The following CCDC85A variants were observed in gnomAD, a reference collection of about 807,000 sequenced individuals.
CCDC85A encodes the protein coiled-coil domain-containing protein 85A.
In CCDC85A, 38 loss-of-function variants were observed where a neutral mutation model predicts 50.2. That is an observed-to-expected ratio of 0.76 (90% confidence interval 0.58 to 0.99). The LOEUF is 0.99. Ranked by LOEUF, CCDC85A falls within the 50% of genes least tolerant of loss-of-function variation. The pLI is 0.00. For missense variants in CCDC85A, 820 were observed against 742.0 expected (o/e 1.11, Z -1.22); for synonymous variants, 366 against 301.4 (o/e 1.21, Z -2.22).
At chr2:56,276,295 TA>T (rs1670939659) in intron 2 of CCDC85A, among the ~76,000 whole-genome samples, 1 of 152,194 alleles carries the variant, frequency 6.6e-6, no homozygotes, top group Non-Finnish European at 1.5e-5. Context: ...ACTGGCTTTT[TA>T]TTTTGCTTAC....
rs544896958 is a variant in CCDC85A, at chr2:56,382,988, C to T, written c.1573-1278C>T. 9.9e-5 allele frequency among the ~76,000 whole-genome samples: 15 copies of T among 152,030 alleles called. No individual in the cohort carries two copies. In the South Asian group the frequency reaches 2.9e-3, roughly 29 times the overall value. On this transcript the variant is annotated intron_variant, in intron 5 of 5. Coordinates refer to ENST00000407595, the MANE Select transcript of CCDC85A (RefSeq NM_001080433.2). Reference sequence around the variant, plus strand: ...TCAATTTATTAAGAAATGAGACTTTCCTAAGTCTCTTGTGTATAGCTTGAG... The same window carrying T: ...TCAATTTATTAAGAAATGAGACTTTTCTAAGTCTCTTGTGTATAGCTTGAG...
chr2:56,349,113 T>C (rs540767619), intron 3 of CCDC85A, among the ~76,000 whole-genome samples: 58 of 152,304 alleles, frequency 3.8e-4, no homozygotes, highest in Non-Finnish European at 7.9e-4. Context: ...TTTTTTCTCA[T>C]GAAGAGCGAC....
chr2:56,304,452 G>A (rs921162045), intron 2 of CCDC85A, among the ~76,000 whole-genome samples: 8 of 152,180 alleles, frequency 5.3e-5, no homozygotes, highest in African/African-American at 1.9e-4. Context: ...GTATTTATGT[G>A]AGAGTTCACC....
intron 2 of CCDC85A, among the ~76,000 whole-genome samples, chr2:56,196,404 T>C (rs1266851242): frequency 6.6e-6 from 1 of 152,242 alleles, no homozygotes; most frequent in Non-Finnish European, 1.5e-5. Context: ...TTCATATTTG[T>C]AAATTAAGTA....
chr2:56,353,649 G>T (rs371899100), intron 3 of CCDC85A, among the ~76,000 whole-genome samples: 48 of 152,322 alleles, frequency 3.2e-4, no homozygotes, highest in African/African-American at 1.1e-3. Flanking sequence ...AGTGCTGATG[G>T]AATGCTGGTA....
intron 2 of CCDC85A, among the ~76,000 whole-genome samples, chr2:56,327,652 T>G (rs1195739244): frequency 6.6e-6 from 1 of 152,052 alleles, no homozygotes; most frequent in Non-Finnish European, 1.5e-5. Context: ...ATATTCAGCA[T>G]GGTATAGTTC....
chr2:56,211,479 C>T (rs1373010238), intron 2 of CCDC85A, among the ~76,000 whole-genome samples: 1 of 151,968 alleles, frequency 6.6e-6, no homozygotes, highest in Non-Finnish European at 1.5e-5. Context: ...TGGGTGTTAT[C>T]ACTATCATTG....
intron 2 of CCDC85A, among the ~76,000 whole-genome samples, chr2:56,271,564 C>A (rs898980403): frequency 1.3e-5 from 2 of 152,132 alleles, no homozygotes; most frequent in African/African-American, 4.8e-5. Context: ...GGGGTTGCCT[C>A]ATAAACTGAC....
intron 3 of CCDC85A, among the ~76,000 whole-genome samples, chr2:56,368,551 A>G (rs1002303983): frequency 6.6e-6 from 1 of 152,172 alleles, no homozygotes. Context: ...GGTATTAAAT[A>G]TTATATGATA....
At chr2:56,302,583 T>C (rs1442063639) in intron 2 of CCDC85A, among the ~76,000 whole-genome samples, 1 of 152,196 alleles carries the variant, frequency 6.6e-6, no homozygotes, top group Non-Finnish European at 1.5e-5. Flanking sequence ...GGGAAAAATG[T>C]ATTTGGTTTT....
At chr2:56,380,592 A>G (rs889812826) in intron 5 of CCDC85A, among the ~76,000 whole-genome samples, 4 of 151,832 alleles carry the variant, frequency 2.6e-5, no homozygotes, top group Admixed American at 6.6e-5. Context: ...GGATAGACAA[A>G]TAGAAATCTA....
intron 2 of CCDC85A, among the ~76,000 whole-genome samples, chr2:56,228,514 C>T (rs1167008122): frequency 6.6e-6 from 1 of 151,080 alleles, no homozygotes; most frequent in East Asian, 1.9e-4. Context: ...CCTCCTCTTT[C>T]TCCCCTTTAT....
intron 2 of CCDC85A, among the ~76,000 whole-genome samples, chr2:56,268,688 CA>C (rs1208114844): frequency 1.3e-5 from 2 of 151,324 alleles, no homozygotes; most frequent in Admixed American, 1.3e-4. Flanking sequence ...TACAGATTTT[CA>C]AAAACCTGAC....
intron 2 of CCDC85A, among the ~76,000 whole-genome samples, chr2:56,217,695 T>G (rs1001758507): frequency 1.3e-5 from 2 of 151,870 alleles, no homozygotes; most frequent in African/African-American, 4.8e-5. Flanking sequence ...TTTTTCTATA[T>G]GCAATAAAAG....
intron 3 of CCDC85A, among the ~76,000 whole-genome samples, chr2:56,360,113 A>G (rs980508690): frequency 1.3e-5 from 2 of 152,252 alleles, no homozygotes; most frequent in African/African-American, 4.8e-5. Context: ...TGTATGCTAT[A>G]AATACATGTA....
intron 3 of CCDC85A, among the ~76,000 whole-genome samples, chr2:56,354,550 A>G (rs1176629055): frequency 6.6e-6 from 1 of 152,220 alleles, no homozygotes; most frequent in South Asian, 2.1e-4. Context: ...TCTGGTTGAC[A>G]TCATGAAAGA....
intron 3 of CCDC85A, among the ~76,000 whole-genome samples, chr2:56,368,441 A>G (rs1423553670): frequency 6.6e-6 from 1 of 152,182 alleles, no homozygotes; most frequent in Non-Finnish European, 1.5e-5. Flanking sequence ...TGAACAAAAT[A>G]TTATTTCCCT....
chr2:56,327,120 G>A (rs906756708), intron 2 of CCDC85A, among the ~76,000 whole-genome samples: 2 of 152,080 alleles, frequency 1.3e-5, no homozygotes, highest in African/African-American at 4.8e-5. Context: ...AAATGTTTGT[G>A]TAATGAAGAA....
At chr2:56,359,956 A>G (rs1237825363) in intron 3 of CCDC85A, among the ~76,000 whole-genome samples, 1 of 152,196 alleles carries the variant, frequency 6.6e-6, no homozygotes, top group African/African-American at 2.4e-5. Flanking sequence ...TCACATCTTC[A>G]GCATGTTTTC....
Sources: allele counts gnomAD v4.1 joint callset (sites outside exome capture counted in the v4.1 genomes callset), GRCh38; gene constraint gnomAD v4.1.1; transcripts MANE v1.5; gene names NCBI Gene and HGNC (gene_info 2026-07-23, HGNC 2026-07-21).